The following DIP2C variants were observed in gnomAD, a reference collection of about 807,000 sequenced individuals.
The protein encoded by DIP2C is DIP2 acetate--CoA ligase C (putative), also known as disco-interacting protein 2 homolog C.
Under a neutral mutation model 192.4 loss-of-function variants are expected in DIP2C, and 33 were observed. The ratio of observed to expected loss-of-function variants is 0.17; its 90% CI spans 0.13 to 0.23. DIP2C has a LOEUF of 0.23. DIP2C is among the 10% of genes least tolerant of loss of function. DIP2C has a pLI of 1.00. For synonymous variants in DIP2C, 979 were observed against 864.1 expected (o/e 1.13, Z -2.33); for missense variants, 1,537 against 2,110.1 (o/e 0.73, Z 5.32).
At chr10:389,856 CAAT>C (rs1963313755) in intron 13 of DIP2C, 132 bp downstream of exon 13, 1 of 725,276 alleles carries the variant, frequency 1.4e-6, no homozygotes, top group Non-Finnish European at 2.4e-6. Flanking sequence ...CCTAACTCAA[CAAT>C]AAGTTCATGT....
intron 1 of DIP2C, among the ~76,000 whole-genome samples, chr10:678,465 G>A (rs950447409): frequency 3.4e-5 from 5 of 148,980 alleles, no homozygotes; most frequent in Non-Finnish European, 7.4e-5. Flanking sequence ...AAGCACACAC[G>A]CACTCTCCAT....
intron 13 of DIP2C, 114 bp downstream of exon 13, chr10:389,877 G>A: frequency 1.2e-6 from 1 of 814,132 alleles, no homozygotes; most frequent in Non-Finnish European, 2.0e-6. Context: ...TGTCAGCGGA[G>A]CTGGGCACAA....
intron 31 of DIP2C, among the ~76,000 whole-genome samples, chr10:317,447 G>A (rs1956821931): frequency 6.6e-6 from 1 of 152,268 alleles, no homozygotes; most frequent in Non-Finnish European, 1.5e-5. Flanking sequence ...ACTTTAGAGA[G>A]AGGGCGTGGG....
chr10:519,446 C>A lies in DIP2C; in HGVS notation c.86-32916G>T, dbSNP rs193145265. Among the ~76,000 whole-genome samples the A allele has an allele frequency of 7.9e-5, 12 of 152,328 alleles. No homozygotes were observed. The East Asian group carries it at 2.3e-3, about 29-fold the overall frequency. ...ACGCAGCACGTTTCCTGAGTGCTGA[C>A]CCCGCGTGGTATTGGATATGGCAAT... On this transcript the variant is annotated intron_variant, in intron 1 of 36. Transcript: ENST00000280886.
intron 1 of DIP2C, among the ~76,000 whole-genome samples, chr10:569,781 G>A (rs150409122): frequency 1.2e-3 from 180 of 152,274 alleles, no homozygotes; most frequent in South Asian, 8.5e-3. Flanking sequence ...GCAGGGGTAG[G>A]GAGGAGAGAG....
intron 3 of DIP2C, among the ~76,000 whole-genome samples, chr10:445,536 C>T (rs1052495385): frequency 8.6e-5 from 12 of 139,634 alleles, no homozygotes; most frequent in Non-Finnish European, 1.4e-4. Context: ...ACATCTGTTG[C>T]GAAGAGTCTC....
At chr10:620,607 C>T (rs151243843) in intron 1 of DIP2C, among the ~76,000 whole-genome samples, 1 of 152,328 alleles carries the variant, frequency 6.6e-6, no homozygotes, top group East Asian at 1.9e-4. Context: ...CAAAACAGAA[C>T]TAAACTACCT....
chr10:559,915 T>C (rs1255310791), intron 1 of DIP2C, among the ~76,000 whole-genome samples: 1 of 152,138 alleles, frequency 6.6e-6, no homozygotes, highest in Non-Finnish European at 1.5e-5. Flanking sequence ...ACACAGGAAT[T>C]CAGGGAGGTG....
At chr10:679,547 A>G (rs11253321) in intron 1 of DIP2C, among the ~76,000 whole-genome samples, 935 of 3,892 alleles carry the variant, frequency 0.24, 404 homozygotes, top group Non-Finnish European at 0.55. Context: ...TGCTCCCCGC[A>G]CCCATCCTCC....
At chr10:285,774 C>A (rs1318060202) in intron 34 of DIP2C, among the ~76,000 whole-genome samples, 1 of 152,212 alleles carries the variant, frequency 6.6e-6, no homozygotes, top group East Asian at 1.9e-4. Context: ...TAAGAGCCAG[C>A]CAGGGCGGGC....
At chr10:408,429 A>G (rs1329526973) in intron 9 of DIP2C, among the ~76,000 whole-genome samples, 1 of 152,214 alleles carries the variant, frequency 6.6e-6, no homozygotes, top group East Asian at 1.9e-4. Flanking sequence ...AAAAAATGGG[A>G]AAGAATCCCA....
chr10:304,458 C>G (rs1956210248), intron 32 of DIP2C, among the ~76,000 whole-genome samples: 1 of 152,166 alleles, frequency 6.6e-6, no homozygotes, highest in African/African-American at 2.4e-5. Context: ...TCTGCTAAGA[C>G]CACAGGCCAT....
chr10:383,356 G>C (rs1028034956), intron 16 of DIP2C, among the ~76,000 whole-genome samples: 48 of 152,132 alleles, frequency 3.2e-4, no homozygotes, highest in African/African-American at 1.1e-3. Context: ...CATGAACGTT[G>C]CATGTTTCAT....
chr10:396,231 C>T (rs1179941683), intron 10 of DIP2C, among the ~76,000 whole-genome samples: 3 of 152,150 alleles, frequency 2.0e-5, no homozygotes, highest in Non-Finnish European at 4.4e-5. Flanking sequence ...TACAGTGAAA[C>T]GTTTCATGGC....
At chr10:521,860 G>A (rs1359962401) in intron 1 of DIP2C, among the ~76,000 whole-genome samples, 2 of 152,058 alleles carry the variant, frequency 1.3e-5, no homozygotes, top group Non-Finnish European at 1.5e-5. Context: ...CCCAGCACAT[G>A]CACAGCCTCC....
chr10:490,511 C>G (rs529261564), intron 1 of DIP2C, among the ~76,000 whole-genome samples: 1 of 152,140 alleles, frequency 6.6e-6, no homozygotes, highest in Admixed American at 6.5e-5. Context: ...CTCCCGTCTC[C>G]GGGGAGGCCC....
intron 1 of DIP2C, among the ~76,000 whole-genome samples, chr10:625,584 G>C (rs1263393733): frequency 1.3e-5 from 2 of 152,196 alleles, no homozygotes; most frequent in Non-Finnish European, 2.9e-5. Context: ...CAGCACAGCA[G>C]AGCAGGCTCG....
intron 1 of DIP2C, among the ~76,000 whole-genome samples, chr10:494,277 AC>A (rs1219854607): frequency 6.6e-6 from 1 of 151,834 alleles, no homozygotes; most frequent in African/African-American, 2.4e-5. Context: ...AGAGTCCTAA[AC>A]CCCAGGAGGA....
rs112969325 is a variant in DIP2C, at chr10:369,794, C to T, written c.1992-161G>A. On this transcript the variant is annotated intron_variant, in intron 17 of 36. Transcript: ENST00000280886. The stretch of plus-strand genomic sequence containing the variant: ...CCATGTGGCTGCATTAGGGGATGCT[C>T]GTTCTGTTTATGAACAGCTGGCAGC... 6.8e-4 allele frequency: 924 copies of T among 1,366,166 alleles called. 10 individuals carry two copies. In the East Asian group the frequency reaches 0.015, roughly 22 times the overall value. 84.6% of individuals were successfully genotyped at this position (1,366,166 alleles called of 1,614,324 possible).
Sources: gnomAD v4.1 joint callset for allele counts (sites outside exome capture counted in the v4.1 genomes callset) on GRCh38, gnomAD v4.1.1 for gene constraint, MANE v1.5 for transcripts, NCBI Gene and HGNC (gene_info 2026-07-23, HGNC 2026-07-21) for gene names.